The following ADK variants were observed in gnomAD, a reference collection of about 807,000 sequenced individuals.
ADK encodes adenosine kinase.
ADK carries 24 observed loss-of-function variants against 44.7 expected under a neutral mutation model. The ratio of observed to expected loss-of-function variants is 0.54; its 90% CI spans 0.39 to 0.76. The LOEUF is 0.76. ADK is among the 30% of genes least tolerant of loss of function. The pLI is 0.00. For missense variants in ADK, 321 were observed against 425.1 expected (o/e 0.76, Z 2.15); for synonymous variants, 128 against 142.6 (o/e 0.90, Z 0.73).
chr10:74,423,689 T>G (rs968955681), intron 6 of ADK: 48 of 442,506 alleles, frequency 1.1e-4, no homozygotes, highest in African/African-American at 9.1e-4. Flanking sequence ...ACAAGTACAG[T>G]GACAATGTTG....
intron 7 of ADK, among the ~76,000 whole-genome samples, chr10:74,578,644 T>C (rs543230098): frequency 6.6e-6 from 1 of 152,128 alleles, no homozygotes; most frequent in South Asian, 2.1e-4. Flanking sequence ...AATGTATTGA[T>C]TATACATTAT....
chr10:74,662,600 G>A (rs1164654655), intron 9 of ADK, among the ~76,000 whole-genome samples: 1 of 152,126 alleles, frequency 6.6e-6, no homozygotes, highest in African/African-American at 2.4e-5. Context: ...TATCAAAGAT[G>A]AGATTGCATC....
chr10:74,442,373 T>C (rs1022095248), intron 6 of ADK, among the ~76,000 whole-genome samples: 1 of 152,160 alleles, frequency 6.6e-6, no homozygotes, highest in African/African-American at 2.4e-5. Flanking sequence ...CGGCCGGGCA[T>C]GGTGGCTCAT....
At chr10:74,637,294 GT>G (rs1453076383) in intron 9 of ADK, among the ~76,000 whole-genome samples, 1 of 151,714 alleles carries the variant, frequency 6.6e-6, no homozygotes, top group East Asian at 1.9e-4. Context: ...CACTGGCACA[GT>G]TTTTTTCAAA....
At chr10:74,514,149 A>G (rs952615722) in intron 6 of ADK, among the ~76,000 whole-genome samples, 6 of 152,180 alleles carry the variant, frequency 3.9e-5, no homozygotes, top group Admixed American at 3.3e-4. Flanking sequence ...CTCCTGGACT[A>G]TAGGATTTCT....
At chr10:74,271,364 T>G (rs2132409189) in intron 3 of ADK, among the ~76,000 whole-genome samples, 1 of 152,274 alleles carries the variant, frequency 6.6e-6, no homozygotes, top group South Asian at 2.1e-4. Context: ...GTATGTCTAC[T>G]TTACATTTAT....
intron 10 of ADK, among the ~76,000 whole-genome samples, chr10:74,681,345 C>T (rs1365116561): frequency 2.0e-5 from 3 of 152,150 alleles, no homozygotes; most frequent in Non-Finnish European, 2.9e-5. Flanking sequence ...TCCCATTTGT[C>T]CCTATCCACA....
intron 4 of ADK, among the ~76,000 whole-genome samples, chr10:74,323,661 C>T (rs949570107): frequency 1.3e-5 from 2 of 151,588 alleles, no homozygotes; most frequent in Admixed American, 1.3e-4. Flanking sequence ...ATCTCCACCT[C>T]CCGGGGTCAC....
At chr10:74,508,374 T>G (rs997379605) in intron 6 of ADK, 3 of 152,186 alleles carry the variant, frequency 2.0e-5, no homozygotes, top group African/African-American at 7.2e-5. Context: ...AAACTCACTT[T>G]TCTGATGGGA....
intron 4 of ADK, among the ~76,000 whole-genome samples, chr10:74,381,178 T>C (rs762846109): frequency 3.9e-5 from 6 of 152,216 alleles, no homozygotes; most frequent in Admixed American, 1.3e-4. Context: ...TGTTTTATGA[T>C]ATTGTTTTCT....
At chr10:74,573,382 G>A (rs577082314) in intron 7 of ADK, among the ~76,000 whole-genome samples, 1 of 152,172 alleles carries the variant, frequency 6.6e-6, no homozygotes, top group African/African-American at 2.4e-5. Context: ...TCAGAGGAGT[G>A]CCCGGCCGTG....
In ADK at chr10:74,396,829, A is replaced by T. The variant is rs140083126; in HGVS notation, c.447-1642A>T. Among the ~76,000 whole-genome samples, 858 of 152,078 alleles carry T rather than the reference A, an allele frequency of 5.6e-3. 12 individuals are homozygous for T. The highest frequency in any genetic ancestry group is 0.019 in the African/African-American group (798 of 41,486). On this transcript the variant is annotated intron_variant, in intron 5 of 10. Coordinates refer to ENST00000539909, the MANE Select transcript of ADK (RefSeq NM_006721.4). ...AAATTAGCCGAGCATCATGGCGGGC[A>T]CTTGTAATCCCAGCTACTTGGGAGA...
chr10:74,679,976 TAAAG>T (rs1307432837), intron 10 of ADK, among the ~76,000 whole-genome samples: 2 of 144,928 alleles, frequency 1.4e-5, no homozygotes, highest in Non-Finnish European at 3.1e-5. Context: ...AAATAAAAAG[TAAAG>T]AAGACAAGTA....
intron 6 of ADK, among the ~76,000 whole-genome samples, chr10:74,483,580 C>G (rs545211333): frequency 6.6e-6 from 1 of 152,280 alleles, no homozygotes; most frequent in African/African-American, 2.4e-5. Flanking sequence ...TCCAAACTTT[C>G]CAAATTCTGT....
chr10:74,379,272 G>T (rs1291455974), intron 4 of ADK, among the ~76,000 whole-genome samples: 1 of 152,176 alleles, frequency 6.6e-6, no homozygotes, highest in Non-Finnish European at 1.5e-5. Context: ...ACTTGGATGG[G>T]TGGTAGCGTG....
intron 9 of ADK, chr10:74,655,157 A>G: frequency 3.3e-6 from 1 of 303,162 alleles, no homozygotes; most frequent in Non-Finnish European, 6.5e-6. Flanking sequence ...ATCATCAGTC[A>G]GAAGAACCCA....
At chr10:74,498,337 A>G (rs1000879320) in intron 6 of ADK, among the ~76,000 whole-genome samples, 2 of 152,226 alleles carry the variant, frequency 1.3e-5, no homozygotes, top group African/African-American at 4.8e-5. Flanking sequence ...GTTTAATTTT[A>G]AAACTTCTGT....
intron 2 of ADK, among the ~76,000 whole-genome samples, chr10:74,220,814 T>C (rs11000928): frequency 0.74 from 111,902 of 151,958 alleles, 41,904 homozygotes; most frequent in Middle Eastern, 0.86. Flanking sequence ...TAACAAAATT[T>C]AACAACCCTT....
At chr10:74,379,517 A>G (rs112479997) in intron 4 of ADK, among the ~76,000 whole-genome samples, 1,912 of 152,278 alleles carry the variant, frequency 0.013, 11 homozygotes, top group Non-Finnish European at 0.021. Flanking sequence ...AATATAACCA[A>G]CAAGGCCCAC....
Sources: gnomAD v4.1 joint callset for allele counts (sites outside exome capture counted in the v4.1 genomes callset) on GRCh38, gnomAD v4.1.1 for gene constraint, MANE v1.5 for transcripts, NCBI Gene and HGNC (gene_info 2026-07-23, HGNC 2026-07-21) for gene names.